Variants in FXR2 observed in about 807,000 individuals in gnomAD.
FXR2 encodes the protein FMR1 autosomal homolog 2.
In FXR2, 9 loss-of-function variants were observed where a neutral mutation model predicts 87.3. The ratio of observed to expected loss-of-function variants is 0.10; its 90% CI spans 0.06 to 0.18. The LOEUF (loss-of-function observed/expected upper bound fraction) is 0.18. Ranked by LOEUF, FXR2 falls within the 10% of genes least tolerant of loss-of-function variation. The pLI is 1.00. For missense variants in FXR2, 661 were observed against 893.6 expected (o/e 0.74, Z 3.32); for synonymous variants, 331 against 328.3 (o/e 1.01, Z -0.09).
chr17:7,595,929 C>A lies in FXR2; in HGVS notation c.726G>T (p.Leu242=), dbSNP rs1418035591. Residue 242 remains leucine (L), a synonymous_variant, in exon 8 of 17, where the codon CTG becomes CTT. Transcript: ENST00000250113. This position sits in a 1 kb window ranked among gnomAD's most constrained non-coding sequence, Gnocchi z 4.7. The stretch of plus-strand genomic sequence containing the variant: ...TGTTGGCACCGTGAGTCCCAATTGC[C>A]AGTCCCATCAGGTCCTCTCGCACTG... The part of the protein sequence containing the change: ...EFTVREDLMG[L]AIGTHGANIQ... The A allele has an allele frequency of 3.7e-6, 6 of 1,613,456 alleles. No individual in the cohort carries two copies. The highest frequency in any genetic ancestry group is 5.1e-6 in the Non-Finnish European group (6 of 1,179,576).
chr17:7,608,580 C>T (rs1439983116), intron 1 of FXR2, among the ~76,000 whole-genome samples: 3 of 149,568 alleles, frequency 2.0e-5, no homozygotes, highest in Non-Finnish European at 3.0e-5. Context: ...ATCATGCCAT[C>T]GCACTGCAGC....
intron 7 of FXR2, among the ~76,000 whole-genome samples, chr17:7,597,704 C>T (rs148234406): frequency 0.02 from 3,095 of 152,260 alleles, 58 homozygotes; most frequent in African/African-American, 0.05. Flanking sequence ...CCGCTGCACC[C>T]GGCCCCTTTC....
In FXR2 at chr17:7,603,774, G is replaced by A. The variant is rs756249918; in HGVS notation, c.432C>T (p.Pro144=). 9 of 1,613,662 alleles carry A rather than the reference G, an allele frequency of 5.6e-6. No homozygotes were observed. Among genetic ancestry groups the A allele is most frequent in the South Asian group, 2.2e-5 (2 of 91,068 alleles). The change falls in exon 5 of 17, where the codon CCC becomes CCT. Residue 144 remains proline (P), a synonymous_variant. Coordinates refer to ENST00000250113, the MANE Select transcript of FXR2 (RefSeq NM_004860.4). Reference sequence around the variant, plus strand: ...ACACTCACGCTTCTCTCAGATCCTCGGGCACAGCCATGGTAACCTTGAAGA... The same window carrying A: ...ACACTCACGCTTCTCTCAGATCCTCAGGCACAGCCATGGTAACCTTGAAGA... The part of the protein sequence containing the change: ...GSFFKVTMAV[P]EDLREACSNE...
At chr17:7,605,604 G>C in intron 3 of FXR2, 41 bp downstream of exon 3, 1 of 1,026,270 alleles carries the variant, frequency 9.7e-7, no homozygotes, top group Non-Finnish European at 1.5e-6. Context: ...AGAATCCTGG[G>C]GAAAAGTGAC....
intron 1 of FXR2, among the ~76,000 whole-genome samples, chr17:7,610,684 T>G (rs2071856204): frequency 6.6e-6 from 1 of 152,202 alleles, no homozygotes; most frequent in Admixed American, 6.6e-5. Context: ...TCCAAGGGTA[T>G]CTGTGGTGGA....
chr17:7,592,835 G>A lies in FXR2; in HGVS notation c.1588C>T (p.Pro530Ser). ...SLLDTSEPEP[P>S]VDSEPGEPPP... Reference sequence around the variant, plus strand: ...GGTTCCCCAGGTTCTGAATCAACCGGGGGCTCTGGTTCAGACGTGTCCAAT... The same window carrying A: ...GGTTCCCCAGGTTCTGAATCAACCGAGGGCTCTGGTTCAGACGTGTCCAAT... The change falls in exon 14 of 17, where the codon CCG becomes TCG. Residue 530 changes from proline (P) to serine (S), a missense_variant. Physicochemically the swap from Pro to Ser is moderately conservative, Grantham distance 74. Around this residue, in one of 3 missense-constraint regions of FXR2, gnomAD observed 409 missense variants for 432.0 expected, o/e 0.95. Coordinates refer to ENST00000250113, the MANE Select transcript of FXR2 (RefSeq NM_004860.4). The surrounding 1 kb of genome is among the most constrained non-coding windows in gnomAD (Gnocchi z 4.8). The A allele has an allele frequency of 6.2e-7, 1 of 1,612,298 alleles. No individual in the cohort carries two copies. The highest frequency in any genetic ancestry group is 8.5e-7 in the Non-Finnish European group (1 of 1,179,096).
Position 7,593,159 on chromosome 17 carries a change from T to C in FXR2, c.1353A>G (p.Thr451=), listed in dbSNP as rs759877666. 2.6e-6 allele frequency: 4 copies of C among 1,534,768 alleles called. No individual in the cohort carries two copies. The highest frequency in any genetic ancestry group is 3.5e-6 in the Non-Finnish European group (4 of 1,143,258). Reference sequence around the variant, plus strand: ...TCTTCTCTGACTCAGTCTCTGAAGCTGTAGACACATCTGAGCTGGGGCCTG... The same window carrying C: ...TCTTCTCTGACTCAGTCTCTGAAGCCGTAGACACATCTGAGCTGGGGCCTG... ...PAYGPSSDVS[T]ASETESEKRE... Residue 451 remains threonine (T), a synonymous_variant, in exon 13 of 17, where the codon ACA becomes ACG. Coordinates refer to ENST00000250113, the MANE Select transcript of FXR2 (RefSeq NM_004860.4). This position sits in a 1 kb window ranked among gnomAD's most constrained non-coding sequence, Gnocchi z 6.1.
rs987992365 is a variant in FXR2, at chr17:7,593,249, C to T, written c.1331-68G>A. The T allele has an allele frequency of 2.3e-6, 3 of 1,319,616 alleles. No homozygotes were observed. The highest frequency in any genetic ancestry group is 3.1e-6 in the Non-Finnish European group (3 of 972,774). 81.7% of individuals were successfully genotyped at this position (1,319,616 alleles called of 1,614,324 possible). A position where few individuals can be genotyped will look rare whatever the true frequency, so the allele number is the denominator to read the frequency against. On this transcript the variant is annotated intron_variant, in intron 12 of 16. Transcript: ENST00000250113. The surrounding 1 kb of genome is among the most constrained non-coding windows in gnomAD (Gnocchi z 6.1). ...CTCAGGATCCATCACATCCCCCAAA[C>T]TGGAAGAATTCTCCTTCTCACTCAC...
chr17:7,601,558 C>T (rs751041315), intron 6 of FXR2, 33 bp from the exon 7 acceptor site: 2 of 1,318,886 alleles, frequency 1.5e-6, no homozygotes, highest in African/African-American at 1.4e-5. Flanking sequence ...GTCATTAAAA[C>T]TGGCTTGGAA....
Position 7,594,440 on chromosome 17 carries a change from T to A in FXR2, c.911-93A>T. On this transcript the variant is annotated intron_variant, in intron 9 of 16. Transcript: ENST00000250113. This position sits in a 1 kb window ranked among gnomAD's most constrained non-coding sequence, Gnocchi z 5.1. ...CCGTCTTCCAGCCTCATTTTCTTTA[T>A]ATGGATTCCATTTACTTCATTCTCC... 1.3e-6 allele frequency: 1 copy of A among 789,474 alleles called. No homozygotes were observed. The highest frequency in any genetic ancestry group is 2.1e-6 in the Non-Finnish European group (1 of 471,974). The allele number at this position is 789,474 out of a possible 1,614,324, so 48.9% of individuals were successfully genotyped here. A position where few individuals can be genotyped will look rare whatever the true frequency, so the allele number is the denominator to read the frequency against.
chr17:7,604,718 C>G (rs1009698713), intron 3 of FXR2, among the ~76,000 whole-genome samples: 15 of 142,824 alleles, frequency 1.1e-4, no homozygotes, highest in African/African-American at 3.9e-4. Flanking sequence ...ATTTGGGATG[C>G]ATCTTTTTTT....
In FXR2 at chr17:7,604,041, A is replaced by T; in HGVS notation, c.268T>A (p.Trp90Arg). 6.3e-7 allele frequency: 1 copy of T among 1,581,232 alleles called. No individual in the cohort carries two copies. Among genetic ancestry groups the T allele is most frequent in the Non-Finnish European group, 8.6e-7 (1 of 1,165,358 alleles). Residue 90 changes from tryptophan (W) to arginine (R), a missense_variant, in exon 4 of 17, where the codon TGG (tryptophan) becomes AGG (arginine). Transcript: ENST00000250113. Reference sequence around the variant, plus strand: ...TTCATCATCCGCACCCGGGCCAGCCACCAGCCACAAGGTTCCTGTTCATTG... The same window carrying T: ...TTCATCATCCGCACCCGGGCCAGCCTCCAGCCACAAGGTTCCTGTTCATTG... ...RANEQEPCGW[W>R]LARVRMMKGD...
chr17:7,591,804 GA>G lies in FXR2; in HGVS notation c.*25del. 2 of 1,188,478 alleles carry G rather than the reference GA, an allele frequency of 1.7e-6. No individual in the cohort carries two copies. Among genetic ancestry groups the G allele is most frequent in the Non-Finnish European group, 2.5e-6 (2 of 791,328 alleles). 73.6% of individuals were successfully genotyped at this position (1,188,478 alleles called of 1,614,324 possible). On this transcript the variant is annotated 3_prime_UTR_variant, in exon 17 of 17. Coordinates refer to ENST00000250113, the MANE Select transcript of FXR2 (RefSeq NM_004860.4). The surrounding 1 kb of genome is among the most constrained non-coding windows in gnomAD (Gnocchi z 4.0). ...GGTGTTGGGCAGCAAGCGAGATGGA[GA>G]AGGGAGGGGTGCAGGTTGGAGGTTT...
intron 7 of FXR2, among the ~76,000 whole-genome samples, chr17:7,598,455 A>AAAAAC (rs752936331): frequency 1.9e-4 from 29 of 152,150 alleles, no homozygotes; most frequent in Non-Finnish European, 2.8e-4. Context: ...ACTCCGTCTC[A>AAAAAC]AAAACAAAAC....
Position 7,592,351 on chromosome 17 carries a change from G to A in FXR2, c.1829C>T (p.Thr610Ile). 1 of 1,610,360 alleles carries A rather than the reference G, an allele frequency of 6.2e-7. No individual in the cohort carries two copies. The highest frequency in any genetic ancestry group is 8.5e-7 in the Non-Finnish European group (1 of 1,176,548). ...TGCTCGTGAGATATAGTCAGCCACA[G>A]TCACTGGGGAAGGCAGGAGATTAAG... ...GSISGDRQPV[T>I]VADYISRAES... Residue 610 changes from threonine (T) to isoleucine (I), a missense_variant, in exon 16 of 17, where the codon ACT (threonine) becomes ATT (isoleucine). Thr to Ile is a moderately conservative substitution (Grantham distance 89, BLOSUM62 -1). This residue lies in a region of FXR2 where 409 missense variants were observed against 432.0 expected (regional missense o/e 0.95). Transcript: ENST00000250113. The surrounding 1 kb of genome is among the most constrained non-coding windows in gnomAD (Gnocchi z 4.8).
Position 7,594,713 on chromosome 17 carries a change from A to G in FXR2, c.876T>C (p.Ser292=). ...CRQARSYLEF[S]EDSVQVPRNL... ...TCCTGGGCACTTGCACTGAGTCCTC[A>G]GAAAACTCAAGGTAGCTTCGGGCCT... is the stretch of plus-strand genomic sequence containing the variant. Residue 292 remains serine, a synonymous_variant, in exon 9 of 17, where the codon TCT becomes TCC. Coordinates refer to ENST00000250113, the MANE Select transcript of FXR2 (RefSeq NM_004860.4). This position sits in a 1 kb window ranked among gnomAD's most constrained non-coding sequence, Gnocchi z 5.1. 1 of 1,612,720 alleles carries G rather than the reference A, an allele frequency of 6.2e-7. No individual in the cohort carries two copies. Among genetic ancestry groups the G allele is most frequent in the Non-Finnish European group, 8.5e-7 (1 of 1,178,680 alleles).
Position 7,592,954 on chromosome 17 carries a change from C to T in FXR2, c.1528+30G>A. 1.3e-6 allele frequency: 2 copies of T among 1,549,498 alleles called. No individual in the cohort carries two copies. The highest frequency in any genetic ancestry group is 1.7e-6 in the Non-Finnish European group (2 of 1,148,436). The stretch of plus-strand genomic sequence containing the variant: ...AGGTGCCCATCATCTTTCCTTTTGG[C>T]CCATATTCATGAACCCAGCTGTCTG... On this transcript the variant is annotated intron_variant, in intron 13 of 16. Coordinates refer to ENST00000250113, the MANE Select transcript of FXR2 (RefSeq NM_004860.4). This position sits in a 1 kb window ranked among gnomAD's most constrained non-coding sequence, Gnocchi z 4.8.
intron 1 of FXR2, among the ~76,000 whole-genome samples, chr17:7,609,037 A>T (rs756759262): frequency 7.2e-5 from 11 of 152,230 alleles, no homozygotes; most frequent in Non-Finnish European, 1.2e-4. Context: ...TGAGCCAGGG[A>T]GGTCGAGGCT....
intron 2 of FXR2, 115 bp from the exon 3 acceptor site, chr17:7,605,853 G>A: frequency 1.4e-6 from 1 of 715,076 alleles, no homozygotes; most frequent in Non-Finnish European, 2.5e-6. Context: ...ATAATTAGAG[G>A]CTAAACCCCA....
Sources: allele counts gnomAD v4.1 joint callset (sites outside exome capture counted in the v4.1 genomes callset), GRCh38; gene constraint gnomAD v4.1.1; regional missense constraint gnomAD v4.1.1; non-coding constraint Gnocchi (gnomAD v3.1); transcripts MANE v1.5; gene names NCBI Gene and HGNC (gene_info 2026-07-23, HGNC 2026-07-21).